Variants in SPECC1L observed in about 807,000 individuals in gnomAD.
The protein encoded by SPECC1L is cytospin-A.
In SPECC1L, 40 loss-of-function variants were observed where a neutral mutation model predicts 116.8. That is an observed-to-expected ratio of 0.34 (90% CI 0.27 to 0.45). The LOEUF is 0.45. Among genes scored for constraint, SPECC1L ranks in the 20% least tolerant of loss-of-function variants. The pLI is 1.00. For missense variants in SPECC1L, 1,110 were observed against 1,373.6 expected, an observed-to-expected ratio of 0.81 and a Z score of 3.03; for synonymous variants, 504 against 500.6, an observed-to-expected ratio of 1.01 and a Z score of -0.09.
intron 14 of SPECC1L, among the ~76,000 whole-genome samples, chr22:24,396,952 G>C (rs1025639439): frequency 6.6e-6 from 1 of 152,232 alleles, no homozygotes; most frequent in African/African-American, 2.4e-5. Context: ...TTGAACACCA[G>C]CTCTTCTCTG....
rs546328778 is a variant in SPECC1L, at chr22:24,296,384, A to G, written c.-37-5811A>G. ...GTGCATCTATTTTGGTGTTTTTAAG[A>G]AACACTGTTTGACAAATACATGAGG... On this transcript the variant is annotated intron_variant, in intron 2 of 16. Coordinates refer to ENST00000314328, the MANE Select transcript of SPECC1L (RefSeq NM_015330.6). Among the ~76,000 whole-genome samples, 4 of 152,336 alleles carry G rather than the reference A, an allele frequency of 2.6e-5. No individual in the cohort carries two copies. The South Asian group carries it at 8.3e-4, about 32-fold the overall frequency.
At chr22:24,370,029 GT>G (rs1243787224) in intron 14 of SPECC1L, among the ~76,000 whole-genome samples, 1 of 152,180 alleles carries the variant, frequency 6.6e-6, no homozygotes, top group Non-Finnish European at 1.5e-5. Context: ...ATGCACAGAA[GT>G]ACAACACAAA....
chr22:24,349,568 A>G (rs1448335483), intron 11 of SPECC1L, among the ~76,000 whole-genome samples: 2 of 152,132 alleles, frequency 1.3e-5, no homozygotes, highest in Non-Finnish European at 2.9e-5. Context: ...TTGATATTGA[A>G]TATTCTCAGA....
At chr22:24,376,240 G>T (rs571602123) in intron 14 of SPECC1L, among the ~76,000 whole-genome samples, 1 of 152,144 alleles carries the variant, frequency 6.6e-6, no homozygotes, top group Non-Finnish European at 1.5e-5. Context: ...GCCCAGTCTA[G>T]GTTCAGACTT....
intron 13 of SPECC1L, among the ~76,000 whole-genome samples, chr22:24,368,100 G>A (rs1007875225): frequency 2.0e-5 from 3 of 152,132 alleles, no homozygotes; most frequent in Admixed American, 6.5e-5. Flanking sequence ...TTAAAGGTCT[G>A]GCCTAAGGCA....
intron 14 of SPECC1L, among the ~76,000 whole-genome samples, chr22:24,395,926 C>T (rs542988344): frequency 1.3e-5 from 2 of 152,296 alleles, no homozygotes; most frequent in South Asian, 4.1e-4. Flanking sequence ...GCTGGGATTA[C>T]AGGTGTGAGC....
intron 14 of SPECC1L, among the ~76,000 whole-genome samples, chr22:24,383,513 A>G (rs1359477930): frequency 1.3e-5 from 2 of 152,222 alleles, no homozygotes; most frequent in East Asian, 1.9e-4. Context: ...GGTGATCCAG[A>G]TATTGGAACC....
chr22:24,330,505 C>G, intron 8 of SPECC1L, 74 bp downstream of exon 8: 1 of 1,522,142 alleles, frequency 6.6e-7, no homozygotes. Flanking sequence ...TGATGTGGTG[C>G]TATGGAAAAA....
intron 4 of SPECC1L, among the ~76,000 whole-genome samples, chr22:24,317,487 AC>A (rs1217761803): frequency 1.4e-5 from 1 of 70,152 alleles, no homozygotes; most frequent in African/African-American, 5.3e-5. Context: ...CAGGGGGCTG[AC>A]CCCCCCACCT....
At chr22:24,292,019 A>G (rs991105611) in intron 2 of SPECC1L, among the ~76,000 whole-genome samples, 5 of 152,198 alleles carry the variant, frequency 3.3e-5, no homozygotes, top group African/African-American at 1.2e-4. Flanking sequence ...CTGAAAGAAG[A>G]AAGTAGTGAC....
intron 16 of SPECC1L, among the ~76,000 whole-genome samples, chr22:24,412,947 A>T (rs909964089): frequency 2.0e-5 from 3 of 152,170 alleles, no homozygotes; most frequent in African/African-American, 7.2e-5. Context: ...GCCCCCTGAA[A>T]GGGTGGGAGG....
At chr22:24,403,815 C>A (rs1216590567) in intron 14 of SPECC1L, among the ~76,000 whole-genome samples, 1 of 152,218 alleles carries the variant, frequency 6.6e-6, no homozygotes, top group Non-Finnish European at 1.5e-5. Context: ...TAATTTCATG[C>A]TTTTCTGGCT....
intron 2 of SPECC1L, among the ~76,000 whole-genome samples, chr22:24,280,577 ATTTTTTTTT>A (rs34634285): frequency 7.8e-6 from 1 of 128,828 alleles, no homozygotes; most frequent in South Asian, 2.5e-4. Context: ...TTTCAATAAC[ATTTTTTTTT>A]TTTTTTTTTT....
At chr22:24,388,807 G>A (rs1273851949) in intron 14 of SPECC1L, among the ~76,000 whole-genome samples, 3 of 152,178 alleles carry the variant, frequency 2.0e-5, no homozygotes. Flanking sequence ...ACTTCTGAGA[G>A]TTGAGTTTCT....
At chr22:24,370,921 G>T (rs2041859084) in intron 14 of SPECC1L, among the ~76,000 whole-genome samples, 1 of 151,434 alleles carries the variant, frequency 6.6e-6, no homozygotes, top group African/African-American at 2.4e-5. Flanking sequence ...AGGGGCTGGG[G>T]GAGGGAAAAA....
chr22:24,311,586 C>G (rs1162271253), intron 3 of SPECC1L, among the ~76,000 whole-genome samples: 1 of 152,084 alleles, frequency 6.6e-6, no homozygotes, highest in Non-Finnish European at 1.5e-5. Context: ...GGGCAGATCA[C>G]TTGATGCCAG....
intron 11 of SPECC1L, among the ~76,000 whole-genome samples, chr22:24,362,231 C>T (rs565499449): frequency 5.3e-5 from 8 of 152,206 alleles, no homozygotes; most frequent in Admixed American, 2.6e-4. Flanking sequence ...AGGACAACTC[C>T]GGTCTGTGTT....
At chr22:24,309,812 T>TA (rs764736106) in intron 3 of SPECC1L, among the ~76,000 whole-genome samples, 2 of 152,218 alleles carry the variant, frequency 1.3e-5, no homozygotes, top group Non-Finnish European at 2.9e-5. Context: ...TGAAATACAG[T>TA]TAGTCTGTTT....
chr22:24,387,545 T>A (rs1319366342), intron 14 of SPECC1L, among the ~76,000 whole-genome samples: 1 of 152,202 alleles, frequency 6.6e-6, no homozygotes, highest in African/African-American at 2.4e-5. Context: ...GAAAAAATTT[T>A]TTTGGTATTT....
Sources: gnomAD v4.1 joint callset for allele counts (sites outside exome capture counted in the v4.1 genomes callset) on GRCh38, gnomAD v4.1.1 for gene constraint, MANE v1.5 for transcripts, NCBI Gene and HGNC (gene_info 2026-07-23, HGNC 2026-07-21) for gene names.